TEK: variants seen among roughly 807,000 people sequenced by gnomAD.
TEK encodes the protein angiopoietin-1 receptor.
Under a neutral mutation model 131.8 loss-of-function variants are expected in TEK, and 43 were observed. That is an observed-to-expected ratio of 0.33 (90% CI 0.26 to 0.42). The LOEUF (loss-of-function observed/expected upper bound fraction) is 0.42. Ranked by LOEUF, TEK falls within the 10% of genes least tolerant of loss-of-function variation. TEK has a pLI of 1.00. For synonymous variants in TEK, 580 were observed against 491.6 expected (o/e 1.18, Z -2.38); for missense variants, 1,162 against 1,384.4 (o/e 0.84, Z 2.55).
intron 21 of TEK, among the ~76,000 whole-genome samples, chr9:27,220,945 T>C (rs1826046618): frequency 6.6e-6 from 1 of 152,080 alleles, no homozygotes. Flanking sequence ...TTCACTCCCC[T>C]GGAAAGGGGG....
At chr9:27,109,751 T>A in intron 1 of TEK, 109 bp downstream of exon 1, 1 of 1,072,516 alleles carries the variant, frequency 9.3e-7, no homozygotes, top group Non-Finnish European at 1.4e-6. Context: ...GGGGTGGCTG[T>A]AGCAAAGGCA....
chr9:27,155,802 C>A (rs1823309321), intron 1 of TEK, among the ~76,000 whole-genome samples: 1 of 146,158 alleles, frequency 6.8e-6, no homozygotes, highest in African/African-American at 2.6e-5. Context: ...TCAGTTCAGA[C>A]TCGGGGGAGC....
At position 27,181,434 on chromosome 9, in the gene TEK, A is replaced by G. The variant is rs188973994; in HGVS notation, c.1030+1066A>G. On this transcript the variant is annotated intron_variant, in intron 7 of 22. Coordinates refer to ENST00000380036, the MANE Select transcript of TEK (RefSeq NM_000459.5). The stretch of plus-strand genomic sequence containing the variant: ...AGCCTGTATTGTTCAAGGGTCAACC[A>G]TATCTTCTGTCTCTGTAGATTGCCT... Among the ~76,000 whole-genome samples, 5 of 152,314 alleles carry G rather than the reference A, an allele frequency of 3.3e-5. No individual in the cohort carries two copies. In the East Asian group the frequency reaches 9.6e-4, roughly 29 times the overall value.
intron 1 of TEK, among the ~76,000 whole-genome samples, chr9:27,127,007 G>C (rs182332873): frequency 1.2e-4 from 18 of 152,168 alleles, no homozygotes; most frequent in Non-Finnish European, 2.5e-4. Context: ...TAAGATCTGG[G>C]GTACATTTTG....
intron 1 of TEK, among the ~76,000 whole-genome samples, chr9:27,110,359 T>C (rs1187403853): frequency 6.6e-6 from 1 of 151,854 alleles, no homozygotes; most frequent in Non-Finnish European, 1.5e-5. Context: ...AGTGAAGGAG[T>C]GGTTGGCCAG....
chr9:27,130,082 AAGC>A (rs1469431541), intron 1 of TEK, among the ~76,000 whole-genome samples: 1 of 152,228 alleles, frequency 6.6e-6, no homozygotes, highest in Non-Finnish European at 1.5e-5. Flanking sequence ...CTTGAAGAAT[AAGC>A]AGGAAGAATA....
At chr9:27,225,223 G>A (rs960434540) in intron 21 of TEK, among the ~76,000 whole-genome samples, 4 of 152,126 alleles carry the variant, frequency 2.6e-5, no homozygotes, top group Non-Finnish European at 1.5e-5. Flanking sequence ...TTTCTTCACA[G>A]AATTAGATAA....
In TEK at chr9:27,206,632, G is replaced by A. The variant is rs527782521; in HGVS notation, c.2415G>A (p.Arg805=). The A allele has an allele frequency of 3.7e-6, 6 of 1,614,020 alleles. No homozygotes were observed. The Admixed American group carries it at 8.3e-5, about 22-fold the overall frequency. Reference sequence around the variant, plus strand: ...ACTCAGGGACTCTGGCCCTAAACAGGAAGGTCAAAAACAACCCAGATCCTA... The same window carrying A: ...ACTCAGGGACTCTGGCCCTAAACAGAAAGGTCAAAAACAACCCAGATCCTA... The part of the protein sequence containing the change: ...QFNSGTLALN[R]KVKNNPDPTI... Residue 805 remains arginine (R), a synonymous_variant, in exon 15 of 23, where the codon AGG becomes AGA. Coordinates refer to ENST00000380036, the MANE Select transcript of TEK (RefSeq NM_000459.5).
intron 2 of TEK, among the ~76,000 whole-genome samples, chr9:27,161,716 G>T: frequency 6.6e-6 from 1 of 152,230 alleles, no homozygotes; most frequent in East Asian, 1.9e-4. Flanking sequence ...GAGAGTGGAA[G>T]TCAGACAGAT....
At chr9:27,133,670 G>C (rs753531300) in intron 1 of TEK, among the ~76,000 whole-genome samples, 5 of 152,122 alleles carry the variant, frequency 3.3e-5, no homozygotes, top group African/African-American at 1.2e-4. Flanking sequence ...TATGGAGCTC[G>C]AGGGGTTCCA....
At chr9:27,112,287 G>A (rs1490621965) in intron 1 of TEK, among the ~76,000 whole-genome samples, 1 of 152,190 alleles carries the variant, frequency 6.6e-6, no homozygotes, top group African/African-American at 2.4e-5. Flanking sequence ...TAAGGTCAGG[G>A]AAGTGCTCCC....
intron 1 of TEK, among the ~76,000 whole-genome samples, chr9:27,152,664 G>C (rs1368901167): frequency 1.3e-5 from 2 of 150,360 alleles, no homozygotes; most frequent in Admixed American, 1.3e-4. Flanking sequence ...TGTGGGTCTA[G>C]AGTCCATTCT....
chr9:27,216,686 C>T (rs1825830369), intron 18 of TEK, among the ~76,000 whole-genome samples: 1 of 152,172 alleles, frequency 6.6e-6, no homozygotes, highest in Non-Finnish European at 1.5e-5. Flanking sequence ...CCACAAAGAA[C>T]TGGGAGACAA....
At chr9:27,115,767 A>G (rs1158905935) in intron 1 of TEK, among the ~76,000 whole-genome samples, 3 of 152,184 alleles carry the variant, frequency 2.0e-5, no homozygotes, top group Admixed American at 6.5e-5. Context: ...GGAGCAACCT[A>G]TACAAAGGGG....
At chr9:27,212,194 G>A (rs1314404686) in intron 16 of TEK, among the ~76,000 whole-genome samples, 2 of 152,154 alleles carry the variant, frequency 1.3e-5, no homozygotes, top group Non-Finnish European at 2.9e-5. Context: ...TTTTGAGGAG[G>A]AGTAGAAGGC....
In TEK at chr9:27,192,542, C is replaced by G; in HGVS notation, c.1543C>G (p.Leu515Val). The G allele has an allele frequency of 6.2e-7, 1 of 1,613,760 alleles. No homozygotes were observed. The highest frequency in any genetic ancestry group is 8.5e-7 in the Non-Finnish European group (1 of 1,179,784). Reference sequence around the variant, plus strand: ...TTTGGAACCTCGGACAGAATATGAACTCTGTGTGCAACTGGTCCGTCGTGG... The same window carrying G: ...TTTGGAACCTCGGACAGAATATGAAGTCTGTGTGCAACTGGTCCGTCGTGG... ...NYLEPRTEYE[L>V]CVQLVRRGEG... Residue 515 changes from leucine (L) to valine (V), a missense_variant, in exon 11 of 23, where the codon CTC (leucine) becomes GTC (valine). By Grantham distance (32) the Leu-to-Val change is conservative. Transcript: ENST00000380036.
chr9:27,170,671 A>G (rs1823921634), intron 4 of TEK, among the ~76,000 whole-genome samples: 1 of 152,180 alleles, frequency 6.6e-6, no homozygotes, highest in African/African-American at 2.4e-5. Flanking sequence ...GCTGAGGCTC[A>G]GTTGTGGTGG....
chr9:27,221,477 ACTGGGAG>A (rs1425043743), intron 21 of TEK, among the ~76,000 whole-genome samples: 5 of 45,516 alleles, frequency 1.1e-4, no homozygotes, highest in Non-Finnish European at 6.3e-5. Context: ...GTGCTCCCTG[ACTGGGAG>A]ACATCTCCCA....
At chr9:27,143,544 G>T (rs1182627180) in intron 1 of TEK, among the ~76,000 whole-genome samples, 4 of 152,138 alleles carry the variant, frequency 2.6e-5, no homozygotes, top group Non-Finnish European at 4.4e-5. Context: ...TAAGAATAGA[G>T]CCAGCCCATG....
Sources: allele counts gnomAD v4.1 joint callset (sites outside exome capture counted in the v4.1 genomes callset), GRCh38; gene constraint gnomAD v4.1.1; transcripts MANE v1.5; gene names NCBI Gene and HGNC (gene_info 2026-07-23, HGNC 2026-07-21).